Variants in NEK10 observed in about 807,000 individuals in gnomAD.
NEK10 encodes the protein serine/threonine-protein kinase Nek10.
In NEK10, 122 loss-of-function variants were observed where a neutral mutation model predicts 159.8. The ratio of observed to expected loss-of-function variants is 0.76; its 90% CI spans 0.66 to 0.89. The LOEUF is 0.89. Ranked by LOEUF, NEK10 falls within the 40% of genes least tolerant of loss-of-function variation. NEK10 has a pLI of 0.00. For missense variants in NEK10, 1,342 were observed against 1,323.1 expected (o/e 1.01, Z -0.22); for synonymous variants, 466 against 457.1 (o/e 1.02, Z -0.25).
At chr3:27,317,061 G>A (rs990100070) in intron 6 of NEK10, among the ~76,000 whole-genome samples, 8 of 152,162 alleles carry the variant, frequency 5.3e-5, no homozygotes, top group African/African-American at 7.2e-5. Flanking sequence ...TGAGAAAGAC[G>A]CTTACTCCCT....
At chr3:27,206,603 A>G (rs1950565710) in intron 23 of NEK10, 2 of 985,172 alleles carry the variant, frequency 2.0e-6, no homozygotes, top group South Asian at 4.7e-5. Flanking sequence ...TTCACATCCA[A>G]GTCTTCCATT....
intron 1 of NEK10, among the ~76,000 whole-genome samples, chr3:27,366,086 T>C (rs1450128553): frequency 6.6e-6 from 1 of 152,112 alleles, no homozygotes; most frequent in Non-Finnish European, 1.5e-5. Flanking sequence ...TGTATTGTGT[T>C]CCAAATAGAA....
chr3:27,316,583 G>C (rs2045201932), intron 6 of NEK10, among the ~76,000 whole-genome samples: 1 of 152,148 alleles, frequency 6.6e-6, no homozygotes, highest in African/African-American at 2.4e-5. Flanking sequence ...TTCATCTGAA[G>C]CTTGGGAGTG....
intron 6 of NEK10, among the ~76,000 whole-genome samples, chr3:27,321,166 A>C (rs1199527659): frequency 1.7e-5 from 1 of 58,718 alleles, no homozygotes; most frequent in South Asian, 3.5e-4. Flanking sequence ...TTTTTCAGTT[A>C]AAAAAAAAAA....
rs147884992 is a variant in NEK10 at position 27,284,901 on chromosome 3, C to A, written c.1850G>T (p.Ser617Ile). The A allele has an allele frequency of 6.2e-7, 1 of 1,600,172 alleles. No homozygotes were observed. Residue 617 changes from serine (S) to isoleucine (I), a missense_variant, in exon 21 of 36, where the codon AGT becomes ATT. Coordinates refer to ENST00000691995, the MANE Select transcript of NEK10 (RefSeq NM_001394966.1). ...ATGGTGATGTTTTTCCTTCAAAGAA[C>A]TGAAATGCTCTCCAAGCGGGGCTCC... Reference protein sequence around the residue: ...IEGAPLGEHFSSLKEKHHHFT... With the variant: ...IEGAPLGEHFISLKEKHHHFT...
In NEK10 at chr3:27,287,538, C is replaced by A. The variant is rs147951572; in HGVS notation, c.1789+160G>T. On this transcript the variant is annotated intron_variant, in intron 20 of 35. Transcript: ENST00000691995. ...CAGGTGACTGACTAGGTCACTGTTTCACTAGTCAAGAAAGTGATGCTTAAG... is the reference window on the plus strand; with the variant it reads ...CAGGTGACTGACTAGGTCACTGTTTAACTAGTCAAGAAAGTGATGCTTAAG... Among the ~76,000 whole-genome samples, 137 of 152,274 alleles carry A rather than the reference C, an allele frequency of 9.0e-4. 1 individual carries two copies. In the East Asian group the frequency reaches 0.024, roughly 27 times the overall value.
intron 22 of NEK10, among the ~76,000 whole-genome samples, chr3:27,260,533 C>T (rs149198485): frequency 0.16 from 24,435 of 152,038 alleles, 2,134 homozygotes; most frequent in Non-Finnish European, 0.2. Flanking sequence ...TATTGATTTG[C>T]GTATGTTGAA....
At chr3:27,261,102 T>C (rs2040373456) in intron 22 of NEK10, among the ~76,000 whole-genome samples, 1 of 152,208 alleles carries the variant, frequency 6.6e-6, no homozygotes, top group South Asian at 2.1e-4. Flanking sequence ...TCTATTTGAT[T>C]CTTCTCTCTT....
At chr3:27,213,711 G>A (rs2100007) in intron 23 of NEK10, among the ~76,000 whole-genome samples, 52 of 152,214 alleles carry the variant, frequency 3.4e-4, no homozygotes, top group Non-Finnish European at 4.0e-4. Flanking sequence ...AGAGGTCTTA[G>A]GACTGATCTT....
intron 22 of NEK10, among the ~76,000 whole-genome samples, chr3:27,260,954 G>A (rs1219995769): frequency 2.6e-5 from 4 of 152,124 alleles, no homozygotes; most frequent in Non-Finnish European, 5.9e-5. Flanking sequence ...TCTTGGGAGG[G>A]TGTATGTGTC....
intron 23 of NEK10, among the ~76,000 whole-genome samples, chr3:27,244,863 C>T (rs1011502569): frequency 1.3e-5 from 2 of 152,046 alleles, no homozygotes; most frequent in African/African-American, 4.8e-5. Context: ...ACCTGCACTT[C>T]AGAGGGTTGC....
At position 27,202,854 on chromosome 3, in the gene NEK10, G is replaced by T. The variant is rs141090002; in HGVS notation, c.2091-297C>A. ...CAAGCCCACTGTGGTAGATGGAGTT[G>T]CTGGCCCCAGTTCTTTGCTGCTCTG... is the stretch of plus-strand genomic sequence containing the variant. On this transcript the variant is annotated intron_variant, in intron 23 of 35. Transcript: ENST00000691995. Among the ~76,000 whole-genome samples, 660 of 152,284 alleles carry T rather than the reference G, an allele frequency of 4.3e-3. 2 individuals are homozygous for T. The highest frequency in any genetic ancestry group is 0.015 in the African/African-American group (627 of 41,552).
At chr3:27,279,586 C>G (rs972368983) in intron 22 of NEK10, among the ~76,000 whole-genome samples, 5 of 152,140 alleles carry the variant, frequency 3.3e-5, no homozygotes, top group Admixed American at 6.5e-5. Context: ...AAAAATATTT[C>G]AGCACTATTA....
chr3:27,367,181 A>G lies in NEK10; in HGVS notation c.-38+2044T>C, dbSNP rs181102283. ...TATACCTTTGGTATGAATTATGTAC[A>G]TATAATCTTTAAAAGAATCCTATGA... On this transcript the variant is annotated intron_variant, in intron 1 of 35. Transcript: ENST00000691995. Among the ~76,000 whole-genome samples the G allele has an allele frequency of 2.0e-5, 3 of 152,316 alleles. 1 individual carries two copies. The highest frequency in any genetic ancestry group is 4.4e-5 in the Non-Finnish European group (3 of 68,024).
chr3:27,234,091 T>C (rs1471884711), intron 23 of NEK10, among the ~76,000 whole-genome samples: 1 of 152,104 alleles, frequency 6.6e-6, no homozygotes, highest in Non-Finnish European at 1.5e-5. Flanking sequence ...CTAAAATCTC[T>C]CAATAAACTG....
At chr3:27,317,816 A>T (rs1389235790) in intron 6 of NEK10, among the ~76,000 whole-genome samples, 1 of 151,774 alleles carries the variant, frequency 6.6e-6, no homozygotes, top group Non-Finnish European at 1.5e-5. Flanking sequence ...TTATTTATTT[A>T]TTTTGAGACA....
chr3:27,253,887 A>C (rs945056658), intron 23 of NEK10, among the ~76,000 whole-genome samples: 1 of 152,216 alleles, frequency 6.6e-6, no homozygotes, highest in Non-Finnish European at 1.5e-5. Context: ...TCACATTTCC[A>C]GTACAAGTCT....
chr3:27,168,321 T>C (rs1200619138), intron 29 of NEK10, among the ~76,000 whole-genome samples: 4 of 152,134 alleles, frequency 2.6e-5, no homozygotes, highest in South Asian at 2.1e-4. Context: ...TATTCTATTA[T>C]GTAGCTTTGC....
chr3:27,205,891 C>T (rs1950501190), intron 23 of NEK10, among the ~76,000 whole-genome samples: 1 of 149,452 alleles, frequency 6.7e-6, no homozygotes, highest in African/African-American at 2.5e-5. Flanking sequence ...TTCTGCACAG[C>T]AAAAGAAACT....
Sources: allele counts gnomAD v4.1 joint callset (sites outside exome capture counted in the v4.1 genomes callset), GRCh38; gene constraint gnomAD v4.1.1; transcripts MANE v1.5; gene names NCBI Gene and HGNC (gene_info 2026-07-23, HGNC 2026-07-21).